REPS1: variants seen among roughly 807,000 people sequenced by gnomAD.
REPS1 encodes RALBP1 associated Eps domain containing 1.
In REPS1, 39 loss-of-function variants were observed where a neutral mutation model predicts 100.9. That is an observed-to-expected ratio of 0.39 (90% CI 0.30 to 0.50). The LOEUF (loss-of-function observed/expected upper bound fraction) is 0.50, where lower values mean the gene tolerates loss of function less well. Among genes scored for constraint, REPS1 ranks in the 20% least tolerant of loss-of-function variants. REPS1 has a pLI of 0.86. For synonymous variants in REPS1, 324 were observed against 340.3 expected, an observed-to-expected ratio of 0.95 and a Z score of 0.53; for missense variants, 821 against 968.5, an observed-to-expected ratio of 0.85 and a Z score of 2.02.
At chr6:138,982,621 C>T (rs1785017395) in intron 1 of REPS1, among the ~76,000 whole-genome samples, 1 of 152,218 alleles carries the variant, frequency 6.6e-6, no homozygotes, top group African/African-American at 2.4e-5. Context: ...TCTTGCTCGG[C>T]AGACAGCAAA....
intron 1 of REPS1, among the ~76,000 whole-genome samples, chr6:138,963,950 A>C (rs1007827191): frequency 6.6e-6 from 1 of 152,172 alleles, no homozygotes; most frequent in Non-Finnish European, 1.5e-5. Flanking sequence ...GACCAACCCC[A>C]CTGCCAACTC....
intron 10 of REPS1, among the ~76,000 whole-genome samples, chr6:138,924,192 A>G (rs1780957305): frequency 1.3e-5 from 2 of 152,242 alleles, no homozygotes; most frequent in Admixed American, 6.5e-5. Flanking sequence ...TAAGTTTGCC[A>G]ACATAAAATA....
At chr6:138,938,873 A>G (rs1260987465) in intron 8 of REPS1, among the ~76,000 whole-genome samples, 1 of 149,540 alleles carries the variant, frequency 6.7e-6, no homozygotes, top group Non-Finnish European at 1.5e-5. Flanking sequence ...TTTTAGATGG[A>G]GCCTCACTCT....
At chr6:138,939,121 T>C (rs1208600237) in intron 8 of REPS1, among the ~76,000 whole-genome samples, 1 of 152,050 alleles carries the variant, frequency 6.6e-6, no homozygotes, top group East Asian at 1.9e-4. Flanking sequence ...TTATGATAGG[T>C]GGAAGAAAAA....
chr6:138,907,510 C>T lies in REPS1; in HGVS notation c.2307G>A (p.Leu769=). The T allele has an allele frequency of 1.9e-6, 3 of 1,610,514 alleles. No individual in the cohort carries two copies. The highest frequency in any genetic ancestry group is 2.2e-5 in the South Asian group (2 of 90,990). The change falls in exon 19 of 20, where the codon TTG becomes TTA. Residue 769 remains leucine (L), a synonymous_variant. Transcript: ENST00000450536. ...ACTATATTACCTTTAATTGTTGCTG[C>T]AATTCGCTATTCAATCTGGCCAAAA... ...NTVLARLNSE[L]QQQLKDVLEE...
intron 8 of REPS1, among the ~76,000 whole-genome samples, chr6:138,932,713 A>G (rs1781561446): frequency 6.6e-6 from 1 of 152,194 alleles, no homozygotes; most frequent in African/African-American, 2.4e-5. Context: ...GTGGAACACC[A>G]TTTTTCCTGA....
At chr6:138,908,538 G>A (rs913848496) in intron 18 of REPS1, 130 bp downstream of exon 18, 31 of 921,030 alleles carry the variant, frequency 3.4e-5, no homozygotes, top group Non-Finnish European at 5.3e-5. Flanking sequence ...CAAATGATCT[G>A]CCCAGCTCAG....
intron 1 of REPS1, among the ~76,000 whole-genome samples, chr6:138,983,817 C>T (rs191092266): frequency 6.5e-4 from 99 of 152,294 alleles, no homozygotes; most frequent in African/African-American, 2.1e-3. Flanking sequence ...ACCTGAACTG[C>T]TGTAAGAACC....
chr6:138,977,254 A>C (rs1323867275), intron 1 of REPS1, among the ~76,000 whole-genome samples: 1 of 152,190 alleles, frequency 6.6e-6, no homozygotes, highest in Admixed American at 6.5e-5. Flanking sequence ...AATCTGCTAT[A>C]TCTCTATAGA....
At chr6:138,942,139 C>A (rs1338073813) in intron 7 of REPS1, among the ~76,000 whole-genome samples, 1 of 152,106 alleles carries the variant, frequency 6.6e-6, no homozygotes, top group Non-Finnish European at 1.5e-5. Context: ...GCCACCGCAC[C>A]CGGCTGACAT....
intron 1 of REPS1, among the ~76,000 whole-genome samples, chr6:138,961,960 C>A (rs899137230): frequency 6.6e-6 from 1 of 152,208 alleles, no homozygotes; most frequent in Non-Finnish European, 1.5e-5. Context: ...TAGCTGACTG[C>A]TGCTATTGAA....
At chr6:138,922,713 T>A (rs764080269) in intron 10 of REPS1, among the ~76,000 whole-genome samples, 2 of 152,156 alleles carry the variant, frequency 1.3e-5, no homozygotes, top group Admixed American at 6.5e-5. Context: ...CAGTTCACAC[T>A]CTGTATATGC....
chr6:138,907,323 T>TGTGTGG, intron 19 of REPS1, 172 bp downstream of exon 19: 1 of 433,822 alleles, frequency 2.3e-6, no homozygotes, highest in South Asian at 2.8e-5. Context: ...AGTGTGTGTG[T>TGTGTGG]GTGTGTGTGT....
chr6:138,981,403 T>C (rs1023383581), intron 1 of REPS1, among the ~76,000 whole-genome samples: 1 of 152,214 alleles, frequency 6.6e-6, no homozygotes, highest in Non-Finnish European at 1.5e-5. Flanking sequence ...GATGCATCTA[T>C]AATAGGAAAG....
chr6:138,963,123 CTAACTAACTAAA>C (rs932965001), intron 1 of REPS1, among the ~76,000 whole-genome samples: 45 of 117,064 alleles, frequency 3.8e-4, no homozygotes, highest in Non-Finnish European at 1.4e-4. Context: ...AACTAACTAA[CTAACTAACTAAA>C]TAAATAAATA....
At position 138,941,498 on chromosome 6, in the gene REPS1, T is replaced by TA; in HGVS notation, c.981-10dup. 1 of 1,612,012 alleles carries TA rather than the reference T, an allele frequency of 6.2e-7. No individual in the cohort carries two copies. The highest frequency in any genetic ancestry group is 1.1e-5 in the South Asian group (1 of 90,894). ...CAAAGTCTGAGAGTTCCCTAGAAGA[T>TA]AAGTTTATTGTGAATATAATCACAT... On this transcript the variant is annotated splice_polypyrimidine_tract_variant and intron_variant, in intron 7 of 19. Coordinates refer to ENST00000450536, the MANE Select transcript of REPS1 (RefSeq NM_001286611.2).
intron 1 of REPS1, among the ~76,000 whole-genome samples, chr6:138,973,414 G>A (rs1411581142): frequency 6.6e-6 from 1 of 151,900 alleles, no homozygotes; most frequent in African/African-American, 2.4e-5. Flanking sequence ...ATGTAGAAAA[G>A]AATTCATCAT....
chr6:138,934,319 C>A (rs1331838281), intron 8 of REPS1: 1 of 470,968 alleles, frequency 2.1e-6, no homozygotes, highest in Non-Finnish European at 4.4e-6. Flanking sequence ...ATCATCAGAG[C>A]ATCAGGGCTG....
At chr6:138,952,927 T>C (rs374466427) in intron 1 of REPS1, among the ~76,000 whole-genome samples, 6 of 151,074 alleles carry the variant, frequency 4.0e-5, no homozygotes, top group African/African-American at 1.2e-4. Flanking sequence ...AACCTCCACC[T>C]CCTGCGTTCA....
Sources: gnomAD v4.1 joint callset for allele counts (sites outside exome capture counted in the v4.1 genomes callset) on GRCh38, gnomAD v4.1.1 for gene constraint, MANE v1.5 for transcripts, NCBI Gene and HGNC (gene_info 2026-07-23, HGNC 2026-07-21) for gene names.